Variants in PIAS1 observed in about 807,000 individuals in gnomAD.
PIAS1 encodes protein inhibitor of activated STAT 1, also known as E3 SUMO-protein ligase PIAS1.
Under a neutral mutation model 71.3 loss-of-function variants are expected in PIAS1, and 6 were observed. The observed-to-expected ratio is 0.08, with a 90% CI of 0.05 to 0.17. The LOEUF (loss-of-function observed/expected upper bound fraction) is 0.17, where lower values mean the gene tolerates loss of function less well. PIAS1 is among the 10% of genes least tolerant of loss of function. The pLI, the probability that PIAS1 is intolerant of heterozygous loss-of-function variation, is 1.00. For synonymous variants in PIAS1, 303 were observed against 292.9 expected (o/e 1.03, Z -0.35); for missense variants, 555 against 793.6 (o/e 0.70, Z 3.61).
chr15:68,091,083 G>A (rs977203796), intron 2 of PIAS1, among the ~76,000 whole-genome samples: 2 of 152,014 alleles, frequency 1.3e-5, no homozygotes, highest in African/African-American at 4.8e-5. Context: ...AGGATGTTGA[G>A]CACATGTGTT....
chr15:68,101,695 T>C (rs968215054), intron 2 of PIAS1, among the ~76,000 whole-genome samples: 4 of 152,204 alleles, frequency 2.6e-5, no homozygotes, highest in African/African-American at 9.7e-5. Context: ...AAGTCTCATT[T>C]ACTGATTTGT....
intron 1 of PIAS1, among the ~76,000 whole-genome samples, chr15:68,075,170 C>T (rs535106967): frequency 4.7e-4 from 70 of 148,362 alleles, no homozygotes; most frequent in African/African-American, 1.6e-3. Flanking sequence ...CTGCAACCTC[C>T]GCCCCCCCAG....
chr15:68,137,908 C>T (rs2092744664), intron 2 of PIAS1, among the ~76,000 whole-genome samples: 2 of 152,036 alleles, frequency 1.3e-5, no homozygotes, highest in Admixed American at 1.3e-4. Flanking sequence ...TTTGGGAGGC[C>T]AAGGTGGGAG....
intron 11 of PIAS1, among the ~76,000 whole-genome samples, chr15:68,180,224 A>G (rs2141099086): frequency 6.6e-6 from 1 of 151,936 alleles, no homozygotes. Flanking sequence ...TCTATCTCCC[A>G]AGTAGCTGGG....
rs539951341 is a variant in PIAS1 at position 68,094,272 on chromosome 15, A to G, written c.469+7522A>G. The stretch of plus-strand genomic sequence containing the variant: ...TATAGTCTTAGTATTTAAGAAAACT[A>G]GATTGACCCTTTTTCCTATTTAAAG... On this transcript the variant is annotated intron_variant, in intron 2 of 13. Transcript: ENST00000249636. Among the ~76,000 whole-genome samples the G allele has an allele frequency of 9.9e-5, 15 of 151,992 alleles. No individual in the cohort carries two copies. In the South Asian group the frequency reaches 3.1e-3, roughly 32 times the overall value.
intron 2 of PIAS1, among the ~76,000 whole-genome samples, chr15:68,134,456 C>T (rs2092705861): frequency 1.7e-5 from 1 of 57,212 alleles, no homozygotes; most frequent in Admixed American, 1.4e-4. Flanking sequence ...AGGCGCCCCT[C>T]ACCTCCCGGA....
chr15:68,157,760 C>T (rs1321704109), intron 7 of PIAS1, among the ~76,000 whole-genome samples: 1 of 152,118 alleles, frequency 6.6e-6, no homozygotes, highest in Non-Finnish European at 1.5e-5. Context: ...AAAACTAACA[C>T]CCACCCCAAA....
chr15:68,092,793 A>G (rs1344871899), intron 2 of PIAS1, among the ~76,000 whole-genome samples: 1 of 152,216 alleles, frequency 6.6e-6, no homozygotes, highest in African/African-American at 2.4e-5. Flanking sequence ...CACCAGACAC[A>G]AAATCTGCAG....
At chr15:68,123,376 A>G (rs2092626593) in intron 2 of PIAS1, among the ~76,000 whole-genome samples, 1 of 152,134 alleles carries the variant, frequency 6.6e-6, no homozygotes, top group African/African-American at 2.4e-5. Context: ...GCAATTCTAC[A>G]TACCCTCTTA....
chr15:68,070,766 A>AT (rs1332014330), intron 1 of PIAS1, among the ~76,000 whole-genome samples: 1 of 152,204 alleles, frequency 6.6e-6, no homozygotes, highest in Non-Finnish European at 1.5e-5. Flanking sequence ...AATATATATC[A>AT]TTAAAATTAA....
At chr15:68,150,609 GAAGT>G (rs935083094) in intron 6 of PIAS1, among the ~76,000 whole-genome samples, 6 of 152,170 alleles carry the variant, frequency 3.9e-5, no homozygotes, top group Admixed American at 2.6e-4. Context: ...GCGCCTGAAA[GAAGT>G]AAGTGAGTTA....
chr15:68,144,891 C>T (rs2092797459), intron 4 of PIAS1, among the ~76,000 whole-genome samples: 1 of 152,056 alleles, frequency 6.6e-6, no homozygotes, highest in African/African-American at 2.4e-5. Context: ...GATTTCATGG[C>T]CAGCAGGTTA....
chr15:68,169,543 C>T (rs1054330960), intron 8 of PIAS1, among the ~76,000 whole-genome samples: 5 of 152,160 alleles, frequency 3.3e-5, no homozygotes, highest in Admixed American at 6.5e-5. Context: ...CATGGTGGCA[C>T]CTGCCTGTAA....
At chr15:68,096,906 T>C (rs1754278076) in intron 2 of PIAS1, among the ~76,000 whole-genome samples, 1 of 152,222 alleles carries the variant, frequency 6.6e-6, no homozygotes, top group Admixed American at 6.5e-5. Context: ...CCTTTCATTT[T>C]TTTGTGTGTG....
At chr15:68,177,750 T>C (rs2093029570) in intron 11 of PIAS1, among the ~76,000 whole-genome samples, 1 of 152,234 alleles carries the variant, frequency 6.6e-6, no homozygotes. Flanking sequence ...AGGCTGTTAG[T>C]CCTGTAGACA....
chr15:68,163,717 C>T (rs927346712), intron 7 of PIAS1, among the ~76,000 whole-genome samples: 4 of 152,254 alleles, frequency 2.6e-5, no homozygotes, highest in Admixed American at 6.5e-5. Context: ...TCCCTCTCTT[C>T]GTTTTCTTTT....
At chr15:68,121,521 A>G (rs2092613424) in intron 2 of PIAS1, among the ~76,000 whole-genome samples, 1 of 151,036 alleles carries the variant, frequency 6.6e-6, no homozygotes. Context: ...CAGCACTCCT[A>G]TTTCTTTTAA....
At chr15:68,058,540 T>G (rs974046167) in intron 1 of PIAS1, among the ~76,000 whole-genome samples, 1 of 152,326 alleles carries the variant, frequency 6.6e-6, no homozygotes. Flanking sequence ...CCTGGAGTCC[T>G]CTAGGGTGCC....
chr15:68,150,854 A>T (rs1444364303), intron 6 of PIAS1, among the ~76,000 whole-genome samples: 1 of 152,148 alleles, frequency 6.6e-6, no homozygotes, highest in Admixed American at 6.5e-5. Flanking sequence ...TATAATGCAG[A>T]TATTCCAAAA....
Sources: gnomAD v4.1 joint callset for allele counts (sites outside exome capture counted in the v4.1 genomes callset) on GRCh38, gnomAD v4.1.1 for gene constraint, MANE v1.5 for transcripts, NCBI Gene and HGNC (gene_info 2026-07-23, HGNC 2026-07-21) for gene names.